The following NBEA variants were observed in gnomAD, a reference collection of about 807,000 sequenced individuals.
NBEA encodes neurobeachin.
Under a neutral mutation model 343.4 loss-of-function variants are expected in NBEA, and 44 were observed. The ratio of observed to expected loss-of-function variants is 0.13; its 90% confidence interval spans 0.10 to 0.16. The LOEUF (loss-of-function observed/expected upper bound fraction) is 0.16. NBEA is among the 10% of genes least tolerant of loss of function. NBEA has a pLI of 1.00. For missense variants in NBEA, 2,555 were observed against 3,631.3 expected (o/e 0.70, Z 7.62); for synonymous variants, 1,175 against 1,238.7 (o/e 0.95, Z 1.08).
intron 54 of NBEA, 56 bp from the exon 55 acceptor site, chr13:35,655,523 A>C (rs1330651565): frequency 6.6e-7 from 1 of 1,526,184 alleles, no homozygotes; most frequent in African/African-American, 1.4e-5. Flanking sequence ...AGTTACACTT[A>C]TTACCATTTG....
intron 27 of NBEA, 122 bp from the exon 28 acceptor site, chr13:35,176,874 T>C (rs1262784020): frequency 3.2e-6 from 2 of 624,054 alleles, no homozygotes; most frequent in African/African-American, 3.7e-5. Flanking sequence ...TTATGATCAA[T>C]AAATGTTAAC....
At chr13:35,610,325 C>T (rs553702355) in intron 48 of NBEA, among the ~76,000 whole-genome samples, 98 of 151,990 alleles carry the variant, frequency 6.4e-4, no homozygotes, top group Non-Finnish European at 1.1e-3. Flanking sequence ...CCTAGGAGGT[C>T]GAAGCTGCAA....
At chr13:35,229,794 G>C (rs569611758) in intron 33 of NBEA, among the ~76,000 whole-genome samples, 1 of 152,128 alleles carries the variant, frequency 6.6e-6, no homozygotes, top group African/African-American at 2.4e-5. Context: ...TTTTCTTTCA[G>C]AATTTAAATT....
chr13:35,467,330 G>A (rs2075426922), intron 40 of NBEA, among the ~76,000 whole-genome samples: 1 of 152,054 alleles, frequency 6.6e-6, no homozygotes, highest in African/African-American at 2.4e-5. Flanking sequence ...AAATTAGCTG[G>A]GCATGGTGGT....
At chr13:35,473,757 T>C (rs1036322904) in intron 41 of NBEA, among the ~76,000 whole-genome samples, 3 of 152,232 alleles carry the variant, frequency 2.0e-5, no homozygotes, top group Non-Finnish European at 4.4e-5. Context: ...AATGGAACCC[T>C]TATTACATAA....
At chr13:35,355,739 G>T (rs898149761) in intron 38 of NBEA, among the ~76,000 whole-genome samples, 14 of 151,672 alleles carry the variant, frequency 9.2e-5, no homozygotes, top group Admixed American at 2.6e-4. Context: ...GGTCATGTTT[G>T]CTCTGTTTAG....
At chr13:35,399,288 T>C (rs952262786) in intron 38 of NBEA, among the ~76,000 whole-genome samples, 2 of 152,132 alleles carry the variant, frequency 1.3e-5, no homozygotes, top group African/African-American at 4.8e-5. Flanking sequence ...CACACTGTTT[T>C]AAAGATAGTG....
intron 1 of NBEA, among the ~76,000 whole-genome samples, chr13:35,014,703 C>T (rs796926216): frequency 6.6e-6 from 1 of 151,902 alleles, no homozygotes; most frequent in African/African-American, 2.4e-5. Flanking sequence ...GTGCCTACTC[C>T]CTGCAAACAC....
intron 40 of NBEA, among the ~76,000 whole-genome samples, chr13:35,464,000 A>G (rs1422148743): frequency 2.0e-5 from 3 of 152,232 alleles, no homozygotes; most frequent in Non-Finnish European, 2.9e-5. Context: ...GGATAAATGC[A>G]GATGTAGAAA....
At chr13:35,586,912 T>C (rs2081315017) in intron 46 of NBEA, among the ~76,000 whole-genome samples, 1 of 152,074 alleles carries the variant, frequency 6.6e-6, no homozygotes, top group Non-Finnish European at 1.5e-5. Context: ...CTAAACAAAG[T>C]CACAAAAATT....
intron 30 of NBEA, among the ~76,000 whole-genome samples, chr13:35,192,026 C>T (rs2072237737): frequency 6.6e-6 from 1 of 151,996 alleles, no homozygotes; most frequent in East Asian, 1.9e-4. Context: ...ATCTGGCATC[C>T]AAATGCCTGT....
chr13:35,178,689 A>G (rs117972850), intron 28 of NBEA, among the ~76,000 whole-genome samples: 4,495 of 151,642 alleles, frequency 0.03, 99 homozygotes, highest in Non-Finnish European at 0.045. Context: ...TAAATTTTTT[A>G]TAATAAACCT....
intron 40 of NBEA, among the ~76,000 whole-genome samples, chr13:35,462,358 G>A (rs1360146991): frequency 6.6e-6 from 1 of 152,058 alleles, no homozygotes; most frequent in Admixed American, 6.5e-5. Flanking sequence ...TATTAGAATG[G>A]GTATTTCCTT....
At position 35,041,093 on chromosome 13, in the gene NBEA, A is replaced by T. The variant is rs1462664843; in HGVS notation, c.455A>T (p.Gln152Leu). The T allele has an allele frequency of 3.7e-6, 6 of 1,613,166 alleles. No individual in the cohort carries two copies. Among genetic ancestry groups the T allele is most frequent in the Admixed American group, 1.7e-5 (1 of 59,932 alleles). ...CTACGAAAAAGTGTTCGGAATTTAC[A>T]GACTAGCACAGAAGTTGGGCTAATT... ...AILRKSVRNL[Q>L]TSTEVGLIEQ... The change falls in exon 2 of 59, where the codon CAG (glutamine) becomes CTG (leucine). Residue 152 changes from glutamine to leucine, a missense_variant. Physicochemically the swap from Gln to Leu is moderately radical, Grantham distance 113 (BLOSUM62 -2). Coordinates refer to ENST00000379939, the MANE Select transcript of NBEA (RefSeq NM_001385012.1).
chr13:35,057,559 C>G (rs190261252), intron 7 of NBEA, among the ~76,000 whole-genome samples: 1 of 151,984 alleles, frequency 6.6e-6, no homozygotes, highest in Non-Finnish European at 1.5e-5. Context: ...TTTTCTCTGC[C>G]GTAGAAACTT....
At chr13:35,647,099 A>G (rs1364222244) in intron 51 of NBEA, among the ~76,000 whole-genome samples, 1 of 152,174 alleles carries the variant, frequency 6.6e-6, no homozygotes, top group Non-Finnish European at 1.5e-5. Context: ...TATTCTTTTC[A>G]TTTTAATCTG....
At chr13:35,547,294 C>T (rs1376048144) in intron 41 of NBEA, among the ~76,000 whole-genome samples, 1 of 152,172 alleles carries the variant, frequency 6.6e-6, no homozygotes, top group East Asian at 1.9e-4. Flanking sequence ...CATTTAGAAG[C>T]TACTAGCAAA....
chr13:35,553,864 G>A (rs1402503178), intron 43 of NBEA, among the ~76,000 whole-genome samples: 1 of 152,160 alleles, frequency 6.6e-6, no homozygotes, highest in Admixed American at 6.5e-5. Flanking sequence ...GCTCGAGTTA[G>A]TTCCAAGTTT....
At chr13:35,171,176 A>G (rs2070436148) in intron 25 of NBEA, 96 bp from the exon 26 acceptor site, 2 of 950,582 alleles carry the variant, frequency 2.1e-6, no homozygotes, top group South Asian at 1.5e-5. Context: ...TGGTAAATAT[A>G]CTAAATTTAT....
Sources: gnomAD v4.1 joint callset for allele counts (sites outside exome capture counted in the v4.1 genomes callset) on GRCh38, gnomAD v4.1.1 for gene constraint, MANE v1.5 for transcripts, NCBI Gene and HGNC (gene_info 2026-07-23, HGNC 2026-07-21) for gene names.